Variants in TRIM2 observed in about 807,000 individuals in gnomAD.
The protein encoded by TRIM2 is tripartite motif containing 2, also known as tripartite motif-containing protein 2.
In TRIM2, 20 loss-of-function variants were observed where a neutral mutation model predicts 75.2. The ratio of observed to expected loss-of-function variants is 0.27; its 90% confidence interval spans 0.19 to 0.39. The LOEUF is 0.39. Among genes scored for constraint, TRIM2 ranks in the 10% least tolerant of loss-of-function variants. The pLI is 1.00. For synonymous variants in TRIM2, 373 were observed against 388.3 expected (o/e 0.96, Z 0.46); for missense variants, 660 against 990.8 (o/e 0.67, Z 4.48).
chr4:153,246,129 A>G (rs952266214), intron 1 of TRIM2, among the ~76,000 whole-genome samples: 2 of 152,220 alleles, frequency 1.3e-5, no homozygotes, highest in African/African-American at 4.8e-5. Flanking sequence ...ATAATTAAAC[A>G]GCAACAATAG....
intron 3 of TRIM2, among the ~76,000 whole-genome samples, chr4:153,278,857 G>T (rs903577587): frequency 3.3e-5 from 5 of 151,724 alleles, no homozygotes; most frequent in African/African-American, 1.2e-4. Flanking sequence ...AGTAAAGTGA[G>T]AATGTCATGA....
intron 1 of TRIM2, among the ~76,000 whole-genome samples, chr4:153,217,050 C>G (rs1738674818): frequency 6.6e-6 from 1 of 152,176 alleles, no homozygotes; most frequent in South Asian, 2.1e-4. Context: ...TGAGCACAGT[C>G]AATACAACTG....
At chr4:153,190,897 C>T (rs1246615447) in intron 1 of TRIM2, among the ~76,000 whole-genome samples, 2 of 152,032 alleles carry the variant, frequency 1.3e-5, no homozygotes, top group Non-Finnish European at 2.9e-5. Flanking sequence ...GCCATCATGC[C>T]CAGCCAATTT....
At chr4:153,327,550 C>A (rs1193990895) in intron 10 of TRIM2, among the ~76,000 whole-genome samples, 1 of 152,188 alleles carries the variant, frequency 6.6e-6, no homozygotes, top group Admixed American at 6.5e-5. Context: ...GGCATCATGA[C>A]AATGGAAGTT....
At chr4:153,233,196 A>C (rs989818465) in intron 1 of TRIM2, among the ~76,000 whole-genome samples, 1 of 152,208 alleles carries the variant, frequency 6.6e-6, no homozygotes, top group East Asian at 1.9e-4. Context: ...CTCTACTTCC[A>C]AAGCCAAAGA....
chr4:153,229,326 C>T (rs1742992885), intron 1 of TRIM2, among the ~76,000 whole-genome samples: 1 of 152,130 alleles, frequency 6.6e-6, no homozygotes, highest in African/African-American at 2.4e-5. Context: ...TGCAGTGGTG[C>T]GATCTCTGCT....
At position 153,337,946 on chromosome 4, in the gene TRIM2, C is replaced by T. The variant is rs1227100003; in HGVS notation, c.*2980C>T. ...CATGGGGAGGCAGAGAGTCACTTGA[C>T]CATCCAGAAATACATGACTACAAGT... On this transcript the variant is annotated 3_prime_UTR_variant, in exon 12 of 12. Coordinates refer to ENST00000338700, the MANE Select transcript of TRIM2 (RefSeq NM_015271.5). 2 of 985,684 alleles carry T rather than the reference C, an allele frequency of 2.0e-6. No homozygotes were observed. The highest frequency in any genetic ancestry group is 2.4e-6 in the Non-Finnish European group (2 of 829,938). 61.1% of individuals were successfully genotyped at this position (985,684 alleles called of 1,614,324 possible).
chr4:153,269,951 G>A (rs1418872265), intron 1 of TRIM2, among the ~76,000 whole-genome samples: 1 of 151,320 alleles, frequency 6.6e-6, no homozygotes, highest in Non-Finnish European at 1.5e-5. Context: ...TTTTTGAGAT[G>A]GAGTCTCACT....
intron 1 of TRIM2, among the ~76,000 whole-genome samples, chr4:153,175,017 G>T (rs200393729): frequency 0.02 from 1,224 of 62,002 alleles, 21 homozygotes; most frequent in African/African-American, 0.064. Flanking sequence ...GTTTTGTTTT[G>T]TTTTTTTTTG....
intron 1 of TRIM2, among the ~76,000 whole-genome samples, chr4:153,169,541 C>A (rs1730637684): frequency 6.6e-6 from 1 of 151,888 alleles, no homozygotes; most frequent in African/African-American, 2.4e-5. Context: ...ATTTTTTTGA[C>A]CTATCATTTT....
At chr4:153,256,358 C>T (rs887246176) in intron 1 of TRIM2, among the ~76,000 whole-genome samples, 6 of 152,208 alleles carry the variant, frequency 3.9e-5, no homozygotes, top group Admixed American at 3.3e-4. Flanking sequence ...TAATGCTTGA[C>T]TGCGTGGAAA....
intron 11 of TRIM2, among the ~76,000 whole-genome samples, chr4:153,329,414 G>A (rs1170055795): frequency 6.6e-6 from 1 of 151,952 alleles, no homozygotes; most frequent in African/African-American, 2.4e-5. Context: ...AAACAATGCT[G>A]AGAGGGAAAT....
In TRIM2 at chr4:153,295,295, C is replaced by A. The variant is rs946812235; in HGVS notation, c.787-18C>A. ...CGCCCTGTGGGACGAGCTCACCAGG[C>A]CTCCGGTTTTCCCGCAGGTCCTCCA... On this transcript the variant is annotated intron_variant, in intron 5 of 11. Coordinates refer to ENST00000338700, the MANE Select transcript of TRIM2 (RefSeq NM_015271.5). The surrounding 1 kb of genome is among the most constrained non-coding windows in gnomAD (Gnocchi z 7.2). 13 of 1,562,200 alleles carry A rather than the reference C, an allele frequency of 8.3e-6. No homozygotes were observed. Among genetic ancestry groups the A allele is most frequent in the African/African-American group, 4.1e-5 (3 of 73,884 alleles).
At chr4:153,223,274 C>A (rs370127602) in intron 1 of TRIM2, among the ~76,000 whole-genome samples, 3 of 152,188 alleles carry the variant, frequency 2.0e-5, no homozygotes, top group African/African-American at 7.2e-5. Flanking sequence ...GGAGCTCTCC[C>A]GGGAGTCGCG....
chr4:153,249,227 G>T (rs1750143884), intron 1 of TRIM2, among the ~76,000 whole-genome samples: 1 of 152,248 alleles, frequency 6.6e-6, no homozygotes, highest in Non-Finnish European at 1.5e-5. Context: ...CGGAATACCG[G>T]CGCGCAATCG....
chr4:153,176,473 C>T (rs980254576), intron 1 of TRIM2, among the ~76,000 whole-genome samples: 3 of 140,578 alleles, frequency 2.1e-5, no homozygotes, highest in Non-Finnish European at 3.1e-5. Flanking sequence ...AGGAATGATA[C>T]AGCAAATGTG....
intron 6 of TRIM2, among the ~76,000 whole-genome samples, chr4:153,303,812 G>A (rs1439448474): frequency 2.0e-5 from 3 of 152,102 alleles, no homozygotes; most frequent in Non-Finnish European, 4.4e-5. Context: ...CATTTTCTGG[G>A]CAATACCTTT....
intron 8 of TRIM2, among the ~76,000 whole-genome samples, chr4:153,322,414 A>C (rs1769206612): frequency 6.6e-6 from 1 of 152,072 alleles, no homozygotes; most frequent in South Asian, 2.1e-4. Flanking sequence ...TCGTCTCAAA[A>C]ATAAATAAAT....
intron 1 of TRIM2, among the ~76,000 whole-genome samples, chr4:153,159,005 C>T (rs182044713): frequency 6.6e-6 from 1 of 152,278 alleles, no homozygotes; most frequent in African/African-American, 2.4e-5. Flanking sequence ...GATGCAGTGT[C>T]TCAATTTTCT....
Sources: allele counts gnomAD v4.1 joint callset (sites outside exome capture counted in the v4.1 genomes callset), GRCh38; gene constraint gnomAD v4.1.1; non-coding constraint Gnocchi (gnomAD v3.1); transcripts MANE v1.5; gene names NCBI Gene and HGNC (gene_info 2026-07-23, HGNC 2026-07-21).